The following RGS3 variants were observed in gnomAD, a reference collection of about 807,000 sequenced individuals.
RGS3 encodes the protein regulator of G-protein signalling 3.
In RGS3, 80 loss-of-function variants were observed where a neutral mutation model predicts 132.6. The observed-to-expected ratio is 0.60, with a 90% CI of 0.50 to 0.73. The LOEUF is 0.73. Among genes scored for constraint, RGS3 ranks in the 30% least tolerant of loss-of-function variants. The probability of loss-of-function intolerance (pLI) is 0.00; values close to 1 mark genes in which losing one functional copy is unlikely to be tolerated. For missense variants in RGS3, 1,382 were observed against 1,530.8 expected (o/e 0.90, Z 1.62); for synonymous variants, 598 against 620.6 (o/e 0.96, Z 0.54).
chr9:113,504,776 G>A (rs1447343095), intron 10 of RGS3, among the ~76,000 whole-genome samples: 1 of 152,260 alleles, frequency 6.6e-6, no homozygotes, highest in Non-Finnish European at 1.5e-5. Flanking sequence ...TCAAGCACAT[G>A]GGCCTCAGCA....
chr9:113,533,428 A>G (rs1486522913), intron 18 of RGS3, among the ~76,000 whole-genome samples: 1 of 152,140 alleles, frequency 6.6e-6, no homozygotes, highest in South Asian at 2.1e-4. Context: ...ACGGGGTTTC[A>G]TCGTTTTGGC....
intron 13 of RGS3, among the ~76,000 whole-genome samples, chr9:113,508,163 C>T (rs781753091): frequency 2.6e-5 from 4 of 152,210 alleles, no homozygotes; most frequent in Non-Finnish European, 4.4e-5. Flanking sequence ...GCATCCTGTA[C>T]TACAGCAGGT....
intron 10 of RGS3, chr9:113,503,484 G>C (rs1830997689): frequency 6.6e-6 from 1 of 152,290 alleles, no homozygotes; most frequent in Non-Finnish European, 1.5e-5. Flanking sequence ...TGTGGTCTGG[G>C]CTGGCACTTC....
chr9:113,587,156 A>G (rs1835158235), intron 20 of RGS3, among the ~76,000 whole-genome samples: 1 of 149,436 alleles, frequency 6.7e-6, no homozygotes, highest in Non-Finnish European at 1.5e-5. Context: ...ATGGCACTGG[A>G]CAAGGCCTCA....
intron 19 of RGS3, chr9:113,541,947 G>A (rs1341366304): frequency 4.8e-6 from 4 of 838,664 alleles, no homozygotes; most frequent in African/African-American, 1.8e-5. Context: ...AGAAAAAGTC[G>A]GATATGGTCT....
In RGS3 at chr9:113,553,441, T is replaced by TAA. The variant is rs66536651; in HGVS notation, c.2037+16541_2037+16542dup. ...CTGGGCAACAGAGGGAAACTCTGTT[T>TAA]AAAAAAAAAAAAAAAAAAATATATA... On this transcript the variant is annotated intron_variant, in intron 19 of 24. Coordinates refer to ENST00000350696, the Ensembl canonical transcript of RGS3. Among the ~76,000 whole-genome samples the TAA allele has an allele frequency of 9.1e-3, 185 of 20,374 alleles. 1 individual carries two copies. The highest frequency in any genetic ancestry group is 0.011 in the Non-Finnish European group (134 of 12,058). 13.4% of individuals were successfully genotyped at this position (20,374 alleles called of 152,430 possible).
chr9:113,480,061 A>G (rs900056007), intron 4 of RGS3, among the ~76,000 whole-genome samples: 4 of 152,190 alleles, frequency 2.6e-5, no homozygotes, highest in Admixed American at 6.5e-5. Flanking sequence ...TGGTAATACT[A>G]TGTATCTTAC....
rs1829546038 is a variant in RGS3, at chr9:113,463,949, C to T, written c.415+1748C>T. The T allele has an allele frequency of 1.9e-6, 3 of 1,547,978 alleles. No individual in the cohort carries two copies. The Admixed American group carries it at 5.4e-5, about 28-fold the overall frequency. ...GCTCCCAGCGCCCAGAAACGCAGCCCCTCGTGGTGACAGGGGAGGCTGGGA... is the reference window on the plus strand; with the variant it reads ...GCTCCCAGCGCCCAGAAACGCAGCCTCTCGTGGTGACAGGGGAGGCTGGGA... On this transcript the variant is annotated intron_variant, in intron 3 of 24. Coordinates refer to ENST00000350696, the Ensembl canonical transcript of RGS3. The surrounding 1 kb of genome is among the most constrained non-coding windows in gnomAD (Gnocchi z 4.6).
chr9:113,488,479 C>A (rs1255189075), intron 7 of RGS3, among the ~76,000 whole-genome samples: 1 of 152,208 alleles, frequency 6.6e-6, no homozygotes, highest in African/African-American at 2.4e-5. Flanking sequence ...TTTGAAGGGA[C>A]AGGCCAATGA....
intron 18 of RGS3, among the ~76,000 whole-genome samples, chr9:113,531,403 C>A (rs2118555880): frequency 6.6e-6 from 1 of 152,188 alleles, no homozygotes; most frequent in South Asian, 2.1e-4. Context: ...CAGTTACAAA[C>A]TCATCTCTGA....
At chr9:113,594,155 C>T (rs772125657) in intron 21 of RGS3, 20 of 1,613,152 alleles carry the variant, frequency 1.2e-5, no homozygotes, top group East Asian at 6.7e-5. Context: ...TTCCAGAGAG[C>T]GTGTGTGGCT....
chr9:113,595,335 C>A, intron 23 of RGS3: 1 of 557,136 alleles, frequency 1.8e-6, no homozygotes, highest in East Asian at 2.9e-5. Flanking sequence ...TCGGCTCCTC[C>A]CAGGGCTCCG....
chr9:113,589,396 G>C (rs530509567), intron 20 of RGS3, among the ~76,000 whole-genome samples: 28 of 152,276 alleles, frequency 1.8e-4, no homozygotes, highest in Non-Finnish European at 3.4e-4. Context: ...CAGCAGCCCA[G>C]GGGGCTGACT....
chr9:113,545,225 T>C (rs564768984), intron 19 of RGS3, among the ~76,000 whole-genome samples: 4 of 152,198 alleles, frequency 2.6e-5, no homozygotes, highest in Admixed American at 1.3e-4. Context: ...GGCAGAGAGG[T>C]ATAGCTTCAG....
chr9:113,460,256 C>G, upstream of RGS3: 1 of 1,073,098 alleles, frequency 9.3e-7, no homozygotes, highest in African/African-American at 1.7e-5. Flanking sequence ...CGCAGTGGCT[C>G]ATGCCTGTAA....
At chr9:113,562,349 C>T (rs571890536) in intron 19 of RGS3, among the ~76,000 whole-genome samples, 62 of 151,990 alleles carry the variant, frequency 4.1e-4, no homozygotes, top group Admixed American at 8.5e-4. Flanking sequence ...TGGTGGCGCA[C>T]GCCTGTAGTC....
intron 23 of RGS3, 155 bp downstream of exon 21, chr9:113,595,135 AG>A (rs1436584201): frequency 1.4e-6 from 1 of 694,510 alleles, no homozygotes; most frequent in African/African-American, 1.8e-5. Context: ...GCCCAAGCTG[AG>A]GCCCTTGGTC....
chr9:113,559,068 T>C (rs1833685248), intron 19 of RGS3, among the ~76,000 whole-genome samples: 1 of 152,240 alleles, frequency 6.6e-6, no homozygotes, highest in African/African-American at 2.4e-5. Context: ...ACTGACCCTT[T>C]GTTTTGATGG....
chr9:113,556,165 T>G (rs1390293786), intron 19 of RGS3, among the ~76,000 whole-genome samples: 1 of 152,174 alleles, frequency 6.6e-6, no homozygotes, highest in Non-Finnish European at 1.5e-5. Context: ...TTCTCTAAAA[T>G]TTATTTATGG....
Sources: allele counts gnomAD v4.1 joint callset (sites outside exome capture counted in the v4.1 genomes callset), GRCh38; gene constraint gnomAD v4.1.1; non-coding constraint Gnocchi (gnomAD v3.1); transcripts MANE v1.5; gene names NCBI Gene and HGNC (gene_info 2026-07-23, HGNC 2026-07-21).